Variants in MRPL13 observed in about 807,000 individuals in gnomAD.
MRPL13 encodes mitochondrial ribosomal protein L13.
Under a neutral mutation model 29.0 loss-of-function variants are expected in MRPL13, and 33 were observed. That is an observed-to-expected ratio of 1.14 (90% CI 0.86 to 1.52). MRPL13 has a LOEUF of 1.52. Among genes scored for constraint, MRPL13 ranks in the 40% most tolerant of loss-of-function variants. MRPL13 has a pLI of 0.00. For missense variants in MRPL13, 227 were observed against 216.7 expected (o/e 1.05, Z -0.30); for synonymous variants, 77 against 68.4 (o/e 1.13, Z -0.62).
At chr8:120,397,789 G>T (rs907469585) in intron 6 of MRPL13, among the ~76,000 whole-genome samples, 1 of 151,976 alleles carries the variant, frequency 6.6e-6, no homozygotes, top group Non-Finnish European at 1.5e-5. Flanking sequence ...ATTCCAGCCT[G>T]CCAGCTCCAG....
At chr8:120,427,292 A>G (rs896014877) in intron 3 of MRPL13, among the ~76,000 whole-genome samples, 7 of 152,196 alleles carry the variant, frequency 4.6e-5, no homozygotes, top group Non-Finnish European at 1.0e-4. Context: ...GCCTGCACAG[A>G]TTTGGGATAA....
In MRPL13 at chr8:120,395,631, T is replaced by G. The variant is rs1169231522; in HGVS notation, c.*473A>C. 6.5e-6 allele frequency: 1 copy of G among 153,454 alleles called. No individual in the cohort carries two copies. The highest frequency in any genetic ancestry group is 1.4e-5 in the Non-Finnish European group (1 of 69,102). The allele number at this position is 153,454 out of a possible 1,614,324, so 9.5% of individuals were successfully genotyped here. A position where few individuals can be genotyped will look rare whatever the true frequency, so the allele number is the denominator to read the frequency against. On this transcript the variant is annotated 3_prime_UTR_variant, in exon 7 of 7. Coordinates refer to ENST00000306185, the MANE Select transcript of MRPL13 (RefSeq NM_014078.6). ...AGTTTATAAATATTTCAGGGCAAAC[T>G]TTACCCTACTAAGCTGCAAATATGA...
At chr8:120,417,988 T>C (rs138401518) in intron 5 of MRPL13, among the ~76,000 whole-genome samples, 1 of 152,196 alleles carries the variant, frequency 6.6e-6, no homozygotes, top group Non-Finnish European at 1.5e-5. Context: ...TTAAAGATAG[T>C]CTCTGAAAAA....
intron 6 of MRPL13, among the ~76,000 whole-genome samples, chr8:120,399,906 A>G (rs1812570757): frequency 6.6e-6 from 1 of 152,192 alleles, no homozygotes; most frequent in Non-Finnish European, 1.5e-5. Flanking sequence ...GGCATTGCAT[A>G]ATGGTAAAGG....
In MRPL13 at chr8:120,406,451, TTGAC is replaced by T. The variant is rs534622717; in HGVS notation, c.515+7536_515+7539del. On this transcript the variant is annotated intron_variant, in intron 6 of 6. Transcript: ENST00000306185. ...TTCATGCATTCATTTATTCAACAAA[TTGAC>T]TGGTCAGGTCCTGCTGTGGGCGCCG... is the stretch of plus-strand genomic sequence containing the variant. Among the ~76,000 whole-genome samples the T allele has an allele frequency of 9.0e-3, 1,373 of 152,190 alleles. 25 individuals are homozygous for T. Among genetic ancestry groups the T allele is most frequent in the African/African-American group, 0.031 (1,306 of 41,512 alleles).
intron 5 of MRPL13, among the ~76,000 whole-genome samples, chr8:120,417,496 C>T (rs1368057046): frequency 2.0e-5 from 3 of 152,018 alleles, no homozygotes; most frequent in Non-Finnish European, 4.4e-5. Context: ...CTATAGAGGG[C>T]TTTTCTATCC....
At chr8:120,405,536 G>C (rs1307244373) in intron 6 of MRPL13, among the ~76,000 whole-genome samples, 1 of 152,154 alleles carries the variant, frequency 6.6e-6, no homozygotes, top group Non-Finnish European at 1.5e-5. Context: ...GTTCCCCTTA[G>C]ACCAAAGACA....
intron 6 of MRPL13, among the ~76,000 whole-genome samples, chr8:120,402,138 T>G (rs1812604509): frequency 6.6e-6 from 1 of 152,176 alleles, no homozygotes. Context: ...TTCACAGAAT[T>G]AGAATAAACT....
chr8:120,412,910 C>A (rs1028566906), intron 6 of MRPL13, among the ~76,000 whole-genome samples: 3 of 151,862 alleles, frequency 2.0e-5, no homozygotes, highest in African/African-American at 7.3e-5. Context: ...CTCTCTGTGC[C>A]CATATTTTCT....
At chr8:120,417,265 G>A (rs1812814954) in intron 5 of MRPL13, among the ~76,000 whole-genome samples, 1 of 152,156 alleles carries the variant, frequency 6.6e-6, no homozygotes. Context: ...GGTTACGGTG[G>A]TGTCCACCAG....
At chr8:120,444,932 T>C (rs527667210) in intron 1 of MRPL13, 136 bp downstream of exon 1, 1 of 1,106,920 alleles carries the variant, frequency 9.0e-7, no homozygotes, top group African/African-American at 1.6e-5. Flanking sequence ...GACCCTCTTG[T>C]GCTTTCCCAA....
chr8:120,443,572 T>A (rs1341617982), intron 1 of MRPL13, among the ~76,000 whole-genome samples: 2 of 152,094 alleles, frequency 1.3e-5, no homozygotes, highest in African/African-American at 4.8e-5. Flanking sequence ...ATGACTTACG[T>A]TTTGTTATAA....
At chr8:120,442,343 G>A (rs1813134054) in intron 2 of MRPL13, among the ~76,000 whole-genome samples, 2 of 152,088 alleles carry the variant, frequency 1.3e-5, no homozygotes, top group Admixed American at 1.3e-4. Context: ...ATTCTTCCAT[G>A]TGTGCTAAGA....
chr8:120,443,421 T>C, intron 1 of MRPL13, 113 bp from the exon 2 acceptor site: 1 of 1,022,502 alleles, frequency 9.8e-7, no homozygotes, highest in East Asian at 3.1e-5. Flanking sequence ...CTACAATTAA[T>C]GTCAACAATT....
intron 6 of MRPL13, 124 bp from the exon 7 acceptor site, chr8:120,396,249 T>A (rs895525552): frequency 1.4e-6 from 1 of 700,448 alleles, no homozygotes; most frequent in Non-Finnish European, 2.3e-6. Context: ...ACAAACACTA[T>A]ATCTAAATTT....
At chr8:120,398,285 A>C (rs1812546232) in intron 6 of MRPL13, among the ~76,000 whole-genome samples, 1 of 152,192 alleles carries the variant, frequency 6.6e-6, no homozygotes, top group Non-Finnish European at 1.5e-5. Flanking sequence ...TCCCAAAGGA[A>C]GGAACAGGCT....
chr8:120,420,732 T>G (rs941287468), intron 4 of MRPL13, among the ~76,000 whole-genome samples: 8 of 151,762 alleles, frequency 5.3e-5, no homozygotes, highest in African/African-American at 1.9e-4. Context: ...CTGACAATGT[T>G]AAGACTATCT....
At chr8:120,444,951 T>C in intron 1 of MRPL13, 117 bp downstream of exon 1, 1 of 1,378,746 alleles carries the variant, frequency 7.3e-7, no homozygotes, top group Non-Finnish European at 1.0e-6. Context: ...AAGTCACCTC[T>C]TGGCCGAGGG....
chr8:120,436,747 C>G (rs1168239098), intron 2 of MRPL13, among the ~76,000 whole-genome samples: 1 of 152,136 alleles, frequency 6.6e-6, no homozygotes, highest in African/African-American at 2.4e-5. Context: ...TCAACTAGGA[C>G]AGTACTGCTT....
Sources: allele counts gnomAD v4.1 joint callset (sites outside exome capture counted in the v4.1 genomes callset), GRCh38; gene constraint gnomAD v4.1.1; transcripts MANE v1.5; gene names NCBI Gene and HGNC (gene_info 2026-07-23, HGNC 2026-07-21).